The following CCDC40 variants were observed in gnomAD, a reference collection of about 807,000 sequenced individuals.
CCDC40 encodes coiled-coil domain-containing protein 40.
Under a neutral mutation model 124.5 loss-of-function variants are expected in CCDC40, and 104 were observed. The ratio of observed to expected loss-of-function variants is 0.84; its 90% CI spans 0.71 to 0.98. CCDC40 has a LOEUF of 0.98. Ranked by LOEUF, CCDC40 falls within the 50% of genes least tolerant of loss-of-function variation. The pLI is 0.00. For missense variants in CCDC40, 1,463 were observed against 1,503.9 expected (o/e 0.97, Z 0.45); for synonymous variants, 580 against 602.9 (o/e 0.96, Z 0.56).
At chr17:80,095,517 G>C (rs1480353920) in intron 18 of CCDC40, 66 bp downstream of exon 18, 4 of 1,509,182 alleles carry the variant, frequency 2.7e-6, no homozygotes, top group Non-Finnish European at 3.7e-6. Context: ...AACACTCCAG[G>C]AAGGCGTCTT....
Position 80,038,151 on chromosome 17 carries a change from G to C in CCDC40, c.58G>C (p.Glu20Gln). Residue 20 changes from glutamate (E) to glutamine (Q), a missense_variant, in exon 2 of 20, where the codon GAG becomes CAG. Transcript: ENST00000397545. ...CCATCCGGAAGATGGATCGGCTTCTGAGGGAGAGAAGGAAGGGAATAATGA... is the reference window on the plus strand; with the variant it reads ...CCATCCGGAAGATGGATCGGCTTCTCAGGGAGAGAAGGAAGGGAATAATGA... The part of the protein sequence containing the change: ...RSHPEDGSAS[E>Q]GEKEGNNESH... 1.2e-6 allele frequency: 2 copies of C among 1,611,426 alleles called. No individual in the cohort carries two copies. The highest frequency in any genetic ancestry group is 1.7e-6 in the Non-Finnish European group (2 of 1,177,802).
chr17:80,058,257 T>C lies in CCDC40; in HGVS notation c.1160-237T>C, dbSNP rs1013050387. ...CTTGGTGGGGAATGGAACAGCTTGC[T>C]GCAATTTGTGGATGTAGATTCCGTA... On this transcript the variant is annotated intron_variant, in intron 7 of 19. Coordinates refer to ENST00000397545, the MANE Select transcript of CCDC40 (RefSeq NM_017950.4). This position sits in a 1 kb window ranked among gnomAD's most constrained non-coding sequence, Gnocchi z 4.2. Among the ~76,000 whole-genome samples, 3 of 152,226 alleles carry C rather than the reference T, an allele frequency of 2.0e-5. No homozygotes were observed. The highest frequency in any genetic ancestry group is 2.0e-4 in the Admixed American group (3 of 15,276).
rs1205258888 is a variant in CCDC40 at position 80,058,896 on chromosome 17, A to G, written c.1356A>G (p.Gln452=). The G allele has an allele frequency of 6.2e-7, 1 of 1,614,182 alleles. No homozygotes were observed. The highest frequency in any genetic ancestry group is 8.5e-7 in the Non-Finnish European group (1 of 1,180,032). The part of the protein sequence containing the change: ...YVDQLTTRAQ[Q]LEEDIALFEA... The stretch of plus-strand genomic sequence containing the variant: ...ACCAGCTCACCACTCGAGCCCAGCA[A>G]CTGGAAGAAGACATTGCCCTGTTTG... The change falls in exon 9 of 20, where the codon CAA becomes CAG. Residue 452 remains glutamine, a synonymous_variant. Transcript: ENST00000397545. This position sits in a 1 kb window ranked among gnomAD's most constrained non-coding sequence, Gnocchi z 4.2.
chr17:80,069,810 A>AG (rs1568695916), intron 10 of CCDC40, among the ~76,000 whole-genome samples: 4 of 148,164 alleles, frequency 2.7e-5, no homozygotes, highest in African/African-American at 8.0e-5. Context: ...GAGAGAGAGA[A>AG]AAAAAGAAAG....
At chr17:80,036,964 C>T (rs996015616) in intron 1 of CCDC40, among the ~76,000 whole-genome samples, 14 of 152,300 alleles carry the variant, frequency 9.2e-5, no homozygotes, top group African/African-American at 3.1e-4. Flanking sequence ...GCGCGACTCC[C>T]TCTAAAACCC....
chr17:80,086,282 A>C lies in CCDC40; in HGVS notation c.2449+66A>C. The C allele has an allele frequency of 1.5e-6, 2 of 1,347,952 alleles. No individual in the cohort carries two copies. The highest frequency in any genetic ancestry group is 1.0e-6 in the Non-Finnish European group (1 of 963,336). 83.5% of individuals were successfully genotyped at this position (1,347,952 alleles called of 1,614,324 possible). On this transcript the variant is annotated intron_variant, in intron 14 of 19. Coordinates refer to ENST00000397545, the MANE Select transcript of CCDC40 (RefSeq NM_017950.4). The surrounding 1 kb of genome is among the most constrained non-coding windows in gnomAD (Gnocchi z 5.5). The stretch of plus-strand genomic sequence containing the variant: ...GAGCTCTGGGACGTGGGCACCTCCC[A>C]GGGGAGGGGCACTCAGTGGGGCACG...
chr17:80,065,990 C>T (rs1325966084), intron 10 of CCDC40: 11 of 655,266 alleles, frequency 1.7e-5, no homozygotes, highest in Middle Eastern at 4.8e-4. Context: ...GCATTCCAAC[C>T]GAAATCCTAT....
At chr17:80,064,485 C>T (rs1019196925) in intron 9 of CCDC40, among the ~76,000 whole-genome samples, 6 of 152,100 alleles carry the variant, frequency 3.9e-5, no homozygotes, top group Non-Finnish European at 7.4e-5. Context: ...TCACTTGACC[C>T]GGCAGCCCCG....
At position 80,081,759 on chromosome 17, in the gene CCDC40, C is replaced by T. The variant is rs1241121063; in HGVS notation, c.1776C>T (p.Asp592=). The change falls in exon 11 of 20, where the codon GAC becomes GAT. Residue 592 remains aspartate (D), a synonymous_variant. Coordinates refer to ENST00000397545, the MANE Select transcript of CCDC40 (RefSeq NM_017950.4). ...QFNTYRLTLQ[D]TEDALSQDQL... ...ATACCTACAGGCTCACCCTGCAGGA[C>T]ACAGAGGATGCCCTCAGCCAGGACC... The T allele has an allele frequency of 1.2e-6, 2 of 1,614,058 alleles. No individual in the cohort carries two copies. The highest frequency in any genetic ancestry group is 3.3e-5 in the Admixed American group (2 of 60,018).
At chr17:80,064,629 T>C (rs1335189997) in intron 9 of CCDC40, among the ~76,000 whole-genome samples, 1 of 152,018 alleles carries the variant, frequency 6.6e-6, no homozygotes, top group Non-Finnish European at 1.5e-5. Flanking sequence ...ATAAAGGAAC[T>C]CCCCTTTCCC....
Position 80,087,895 on chromosome 17 carries a change from G to A in CCDC40, c.2620-116G>A. The A allele has an allele frequency of 7.8e-7, 1 of 1,286,098 alleles. No individual in the cohort carries two copies. The highest frequency in any genetic ancestry group is 1.2e-5 in the South Asian group (1 of 84,530). The allele number at this position is 1,286,098 out of a possible 1,614,324, so 79.7% of individuals were successfully genotyped here. On this transcript the variant is annotated intron_variant, in intron 15 of 19. Transcript: ENST00000397545. The surrounding 1 kb of genome is among the most constrained non-coding windows in gnomAD (Gnocchi z 4.5). ...CACACCCGTTCAAGATGCTTGTAGG[G>A]GTATTAGAAATCCAGCCTGCAGCCC...
intron 12 of CCDC40, among the ~76,000 whole-genome samples, chr17:80,084,234 G>A (rs1256624046): frequency 5.9e-5 from 9 of 152,204 alleles, no homozygotes; most frequent in Admixed American, 5.9e-4. Flanking sequence ...CTGCATGGCT[G>A]GGGAGGCCTC....
chr17:80,063,810 T>C (rs191773258), intron 9 of CCDC40, among the ~76,000 whole-genome samples: 1 of 152,254 alleles, frequency 6.6e-6, no homozygotes, highest in Admixed American at 6.5e-5. Flanking sequence ...CAGTCAACAA[T>C]AATTTATTGT....
At chr17:80,067,742 G>A in intron 10 of CCDC40, 1 of 1,510,208 alleles carries the variant, frequency 6.6e-7, no homozygotes, top group South Asian at 1.2e-5. Flanking sequence ...GAATGTCTGG[G>A]TCTAGCGGGT....
intron 7 of CCDC40, among the ~76,000 whole-genome samples, chr17:80,055,410 A>T (rs2037711150): frequency 6.6e-6 from 1 of 152,224 alleles, no homozygotes; most frequent in Non-Finnish European, 1.5e-5. Context: ...TACAATTTTT[A>T]AAAAAGCTCA....
chr17:80,090,216 G>T, intron 17 of CCDC40: 6 of 613,034 alleles, frequency 9.8e-6, no homozygotes, highest in African/African-American at 4.1e-5. Flanking sequence ...CGTGCACGAA[G>T]AACACGGGAC....
intron 10 of CCDC40, among the ~76,000 whole-genome samples, chr17:80,080,372 C>T (rs1177203242): frequency 6.6e-6 from 1 of 152,200 alleles, no homozygotes; most frequent in African/African-American, 2.4e-5. Context: ...CTCTGCACTC[C>T]AACAAATACA....
chr17:80,042,677 C>T (rs944485843), intron 3 of CCDC40, among the ~76,000 whole-genome samples: 1 of 152,140 alleles, frequency 6.6e-6, no homozygotes, highest in Non-Finnish European at 1.5e-5. Context: ...ATTGCATTGG[C>T]TAGAACCGCC....
Position 80,045,265 on chromosome 17 carries a change from G to C in CCDC40, c.553-2014G>C, listed in dbSNP as rs563205564. ...AAATGACTAGAACCTGACTTGTGGGGTTATGGCGAGGGTGGCATGAGATGA... is the reference window on the plus strand; with the variant it reads ...AAATGACTAGAACCTGACTTGTGGGCTTATGGCGAGGGTGGCATGAGATGA... On this transcript the variant is annotated intron_variant, in intron 3 of 19. Transcript: ENST00000397545. Among the ~76,000 whole-genome samples the C allele has an allele frequency of 1.1e-3, 163 of 152,308 alleles. 1 individual carries two copies. Among genetic ancestry groups the C allele is most frequent in the African/African-American group, 3.8e-3 (159 of 41,576 alleles).
Sources: allele counts gnomAD v4.1 joint callset (sites outside exome capture counted in the v4.1 genomes callset), GRCh38; gene constraint gnomAD v4.1.1; non-coding constraint Gnocchi (gnomAD v3.1); transcripts MANE v1.5; gene names NCBI Gene and HGNC (gene_info 2026-07-23, HGNC 2026-07-21).